SFMBT1: variants seen among roughly 807,000 people sequenced by gnomAD.
SFMBT1 encodes scm-like with four MBT domains protein 1.
SFMBT1 carries 32 observed loss-of-function variants against 108.7 expected under a neutral mutation model. The observed-to-expected ratio is 0.29, with a 90% confidence interval of 0.22 to 0.40. The LOEUF (loss-of-function observed/expected upper bound fraction) is 0.40. Ranked by LOEUF, SFMBT1 falls within the 10% of genes least tolerant of loss-of-function variation. SFMBT1 has a pLI of 1.00. For synonymous variants in SFMBT1, 348 were observed against 369.5 expected (o/e 0.94, Z 0.67); for missense variants, 816 against 1,059.6 (o/e 0.77, Z 3.19).
chr3:52,921,669 T>G, intron 11 of SFMBT1, 36 bp downstream of exon 11: 1 of 1,600,978 alleles, frequency 6.2e-7, no homozygotes. Context: ...CAAAGGAGAG[T>G]GGCCACAGGA....
intron 3 of SFMBT1, among the ~76,000 whole-genome samples, chr3:52,951,836 G>A (rs1355321752): frequency 1.3e-5 from 2 of 152,164 alleles, no homozygotes; most frequent in Non-Finnish European, 2.9e-5. Context: ...CAGCTTGGGC[G>A]TTAGGGCCAT....
At chr3:52,940,501 G>T (rs1013934634) in intron 4 of SFMBT1, among the ~76,000 whole-genome samples, 1 of 152,044 alleles carries the variant, frequency 6.6e-6, no homozygotes, top group Non-Finnish European at 1.5e-5. Flanking sequence ...CATTAAATAA[G>T]ATCAGAATCA....
At chr3:53,014,399 G>C (rs1034950149) in intron 1 of SFMBT1, among the ~76,000 whole-genome samples, 6 of 151,974 alleles carry the variant, frequency 3.9e-5, no homozygotes, top group Non-Finnish European at 8.8e-5. Context: ...GAGCCCAGGA[G>C]GTCAAGTTTA....
chr3:52,951,116 T>TTAAA (rs1553637526), intron 3 of SFMBT1, among the ~76,000 whole-genome samples: 4 of 81,568 alleles, frequency 4.9e-5, no homozygotes, highest in Admixed American at 3.7e-4. Flanking sequence ...ACTCTTATCT[T>TTAAA]AAAAAAAAAA....
At position 53,035,836 on chromosome 3, in the gene SFMBT1, G is replaced by A. The variant is rs540182385; in HGVS notation, c.-131+9980C>T. Among the ~76,000 whole-genome samples the A allele has an allele frequency of 2.6e-4, 39 of 152,198 alleles. 1 individual carries two copies. Among genetic ancestry groups the A allele is most frequent in the African/African-American group, 8.7e-4 (36 of 41,540 alleles). On this transcript the variant is annotated intron_variant, in intron 1 of 20. Coordinates refer to ENST00000394752, the MANE Select transcript of SFMBT1 (RefSeq NM_016329.4). ...TCAAACTCCTGGCCTCAAGTGATCC[G>A]CCCACCTCAGCCTCCCAAAATACTG...
At chr3:52,962,534 A>G (rs1204529556) in intron 2 of SFMBT1, among the ~76,000 whole-genome samples, 1 of 152,126 alleles carries the variant, frequency 6.6e-6, no homozygotes, top group Non-Finnish European at 1.5e-5. Context: ...GGCCAGGCGC[A>G]GTGGCTCATG....
At chr3:52,944,089 T>TC (rs2106816203) in intron 3 of SFMBT1, among the ~76,000 whole-genome samples, 1 of 152,158 alleles carries the variant, frequency 6.6e-6, no homozygotes, top group East Asian at 1.9e-4. Flanking sequence ...ATTAATAACA[T>TC]CCCCCCTTTC....
chr3:52,972,815 A>C, intron 1 of SFMBT1, among the ~76,000 whole-genome samples: 1 of 129,452 alleles, frequency 7.7e-6, no homozygotes, highest in African/African-American at 3.1e-5. Flanking sequence ...GTGGCGGGCC[A>C]ATGTGGTAAA....
chr3:53,026,081 T>C (rs561903663), intron 1 of SFMBT1, among the ~76,000 whole-genome samples: 1 of 152,320 alleles, frequency 6.6e-6, no homozygotes, highest in Non-Finnish European at 1.5e-5. Context: ...TTACAGAAAG[T>C]GTAGTTTTAA....
chr3:53,029,667 T>TA (rs1699615360), intron 1 of SFMBT1, among the ~76,000 whole-genome samples: 1 of 152,230 alleles, frequency 6.6e-6, no homozygotes, highest in Non-Finnish European at 1.5e-5. Flanking sequence ...ACAAGCAGCA[T>TA]ACATTCAGGC....
intron 4 of SFMBT1, among the ~76,000 whole-genome samples, chr3:52,942,453 C>T (rs7621939): frequency 0.24 from 36,660 of 152,108 alleles, 4,726 homozygotes; most frequent in Admixed American, 0.36. Context: ...ATTCTCATAA[C>T]TTTTTGGTAA....
In SFMBT1 at chr3:52,916,073, T is replaced by C. The variant is rs1485111608; in HGVS notation, c.1480+77A>G. ...GACACATACTATACATCAAATGTAC[T>C]GTTTTAAGTTATTTTCAGATATAGT... On this transcript the variant is annotated intron_variant, in intron 14 of 20. Transcript: ENST00000394752. 5 of 1,227,768 alleles carry C rather than the reference T, an allele frequency of 4.1e-6. No homozygotes were observed. The South Asian group carries it at 5.0e-5, about 12-fold the overall frequency. The allele number at this position is 1,227,768 out of a possible 1,614,324, so 76.1% of individuals were successfully genotyped here.
At chr3:52,949,493 T>G (rs1391122488) in intron 3 of SFMBT1, among the ~76,000 whole-genome samples, 1 of 152,088 alleles carries the variant, frequency 6.6e-6, no homozygotes, top group Non-Finnish European at 1.5e-5. Flanking sequence ...TACATTCTGT[T>G]GTTAGATGCA....
Position 53,012,900 on chromosome 3 carries a change from T to C in SFMBT1, c.-131+32916A>G, listed in dbSNP as rs1045745483. Among the ~76,000 whole-genome samples the C allele has an allele frequency of 2.6e-5, 4 of 151,608 alleles. 1 individual carries two copies. The highest frequency in any genetic ancestry group is 2.1e-4 in the South Asian group (1 of 4,832). On this transcript the variant is annotated intron_variant, in intron 1 of 20. Coordinates refer to ENST00000394752, the MANE Select transcript of SFMBT1 (RefSeq NM_016329.4). ...CAGCTATAAATATAACAAATTAACA[T>C]ACACTGATTGGAGCATATTTCACCT...
chr3:53,035,891 C>T (rs998268627), intron 1 of SFMBT1, among the ~76,000 whole-genome samples: 5 of 152,204 alleles, frequency 3.3e-5, no homozygotes, highest in African/African-American at 1.2e-4. Flanking sequence ...CCGCACCCGG[C>T]CAGAGACGTA....
At chr3:53,009,135 GA>G (rs1698856586) in intron 1 of SFMBT1, among the ~76,000 whole-genome samples, 1 of 151,506 alleles carries the variant, frequency 6.6e-6, no homozygotes, top group Admixed American at 6.6e-5. Context: ...AATGAAAAAA[GA>G]AAAAACAGGA....
At chr3:53,042,586 C>T (rs549341136) in intron 1 of SFMBT1, among the ~76,000 whole-genome samples, 3 of 152,332 alleles carry the variant, frequency 2.0e-5, no homozygotes, top group Non-Finnish European at 4.4e-5. Flanking sequence ...TCAAGCGATC[C>T]TCTTGCCTAG....
intron 1 of SFMBT1, among the ~76,000 whole-genome samples, chr3:52,998,927 C>G (rs918708466): frequency 6.6e-6 from 1 of 150,684 alleles, no homozygotes. Context: ...GCAGAGCTGC[C>G]CTGCCGGCCA....
intron 1 of SFMBT1, among the ~76,000 whole-genome samples, chr3:52,993,512 C>T (rs892759690): frequency 2.0e-5 from 3 of 149,882 alleles, no homozygotes; most frequent in Admixed American, 6.8e-5. Flanking sequence ...TAATTCTAGG[C>T]TAATCAATTA....
Sources: gnomAD v4.1 joint callset for allele counts (sites outside exome capture counted in the v4.1 genomes callset) on GRCh38, gnomAD v4.1.1 for gene constraint, MANE v1.5 for transcripts, NCBI Gene and HGNC (gene_info 2026-07-23, HGNC 2026-07-21) for gene names.